CAMK2D: variants seen among roughly 807,000 people sequenced by gnomAD.
The protein encoded by CAMK2D is calcium/calmodulin dependent protein kinase II delta.
CAMK2D carries 37 observed loss-of-function variants against 84.0 expected under a neutral mutation model. The ratio of observed to expected loss-of-function variants is 0.44; its 90% CI spans 0.34 to 0.58. The LOEUF is 0.58. Ranked by LOEUF, CAMK2D falls within the 20% of genes least tolerant of loss-of-function variation. The pLI, the probability that CAMK2D is intolerant of heterozygous loss-of-function variation, is 0.02. For missense variants in CAMK2D, 448 were observed against 652.5 expected, an observed-to-expected ratio of 0.69 and a Z score of 3.41; for synonymous variants, 202 against 212.5, an observed-to-expected ratio of 0.95 and a Z score of 0.43.
At chr4:113,462,334 G>GTCTATCTATCTATCTATCTATCTA (rs1164998007) in intron 17 of CAMK2D, among the ~76,000 whole-genome samples, 36 of 129,834 alleles carry the variant, frequency 2.8e-4, no homozygotes, top group African/African-American at 4.6e-4. Context: ...CTGTCTGTCT[G>GTCTATCTATCTATCTATCTATCTA]TCTGTCTATC....
intron 3 of CAMK2D, among the ~76,000 whole-genome samples, chr4:113,650,710 A>C (rs2099169235): frequency 6.6e-6 from 1 of 152,216 alleles, no homozygotes. Context: ...AAGACAAAGC[A>C]TAGCATGTTT....
intron 3 of CAMK2D, among the ~76,000 whole-genome samples, chr4:113,657,196 C>T (rs1053442265): frequency 1.3e-5 from 2 of 152,134 alleles, no homozygotes; most frequent in Non-Finnish European, 2.9e-5. Context: ...AAATCTGTAT[C>T]GGCTTTAACT....
chr4:113,691,091 TAAC>T (rs1338290969), intron 2 of CAMK2D, among the ~76,000 whole-genome samples: 2 of 152,174 alleles, frequency 1.3e-5, no homozygotes, highest in African/African-American at 4.8e-5. Flanking sequence ...TCTGGATCTA[TAAC>T]AACCAGAATC....
At chr4:113,609,094 A>AT in intron 4 of CAMK2D, 58 bp downstream of exon 4, 1 of 896,824 alleles carries the variant, frequency 1.1e-6, no homozygotes, top group Non-Finnish European at 1.9e-6. Context: ...AAAAATCATT[A>AT]ATTCAAAACG....
chr4:113,720,299 A>C (rs765489571), intron 2 of CAMK2D, among the ~76,000 whole-genome samples: 15 of 151,878 alleles, frequency 9.9e-5, no homozygotes, highest in Non-Finnish European at 1.6e-4. Flanking sequence ...TTTTAAAAGT[A>C]CTCAAAGGTA....
At chr4:113,603,759 T>C (rs2098964353) in intron 4 of CAMK2D, among the ~76,000 whole-genome samples, 1 of 134,312 alleles carries the variant, frequency 7.4e-6, no homozygotes, top group Non-Finnish European at 1.5e-5. Flanking sequence ...TCTTTCTATA[T>C]ATTTCTTGCT....
At chr4:113,759,759 C>T (rs2099636490) in intron 1 of CAMK2D, among the ~76,000 whole-genome samples, 1 of 152,092 alleles carries the variant, frequency 6.6e-6, no homozygotes, top group Non-Finnish European at 1.5e-5. Context: ...AGACGAGGAG[C>T]AGCAAAAAAA....
At chr4:113,587,381 GA>G (rs1242427480) in intron 4 of CAMK2D, among the ~76,000 whole-genome samples, 1 of 152,172 alleles carries the variant, frequency 6.6e-6, no homozygotes, top group Non-Finnish European at 1.5e-5. Flanking sequence ...ACATGCGCCT[GA>G]GGCAAATTTC....
chr4:113,673,350 T>C (rs1339004268), intron 2 of CAMK2D, among the ~76,000 whole-genome samples: 1 of 152,208 alleles, frequency 6.6e-6, no homozygotes, highest in African/African-American at 2.4e-5. Context: ...AGGCTATGCT[T>C]CCAACAATTG....
chr4:113,518,130 A>C (rs1461106429), intron 8 of CAMK2D, among the ~76,000 whole-genome samples: 1 of 152,178 alleles, frequency 6.6e-6, no homozygotes, highest in Non-Finnish European at 1.5e-5. Flanking sequence ...CGTTCTAAAT[A>C]ACCATAGTCC....
At chr4:113,599,010 G>A (rs968034806) in intron 4 of CAMK2D, among the ~76,000 whole-genome samples, 1 of 152,070 alleles carries the variant, frequency 6.6e-6, no homozygotes, top group Non-Finnish European at 1.5e-5. Flanking sequence ...AAAACCTGAA[G>A]AGATACCTCA....
At chr4:113,585,294 C>T (rs17447193) in intron 4 of CAMK2D, among the ~76,000 whole-genome samples, 15,399 of 152,102 alleles carry the variant, frequency 0.1, 1,035 homozygotes, top group Admixed American at 0.19. Context: ...ATATAATCAA[C>T]GTGAGGAATT....
intron 3 of CAMK2D, among the ~76,000 whole-genome samples, chr4:113,627,346 T>C (rs905722852): frequency 1.3e-5 from 2 of 152,202 alleles, no homozygotes; most frequent in African/African-American, 4.8e-5. Flanking sequence ...GCAGTAGTTA[T>C]GTTCTATAAA....
chr4:113,703,923 C>CTTTTT (rs11460715), intron 2 of CAMK2D, among the ~76,000 whole-genome samples: 1 of 129,380 alleles, frequency 7.7e-6, no homozygotes, highest in African/African-American at 2.9e-5. Context: ...TTCTTATGAC[C>CTTTTT]TTTTTTTTTT....
chr4:113,734,713 A>T (rs559329440), intron 2 of CAMK2D, among the ~76,000 whole-genome samples: 2 of 152,262 alleles, frequency 1.3e-5, no homozygotes, highest in African/African-American at 4.8e-5. Context: ...GATACAACAA[A>T]TTTGAAAGGC....
At chr4:113,649,234 C>T (rs990605016) in intron 3 of CAMK2D, among the ~76,000 whole-genome samples, 2 of 152,270 alleles carry the variant, frequency 1.3e-5, no homozygotes, top group South Asian at 2.1e-4. Flanking sequence ...TTTTTCCTGA[C>T]ACCACATAAT....
In CAMK2D at chr4:113,608,720, G is replaced by C. The variant is rs181056459; in HGVS notation, c.275+432C>G. On this transcript the variant is annotated intron_variant, in intron 4 of 20. Coordinates refer to ENST00000511664, the MANE Select transcript of CAMK2D (RefSeq NM_001321571.2). ...TTTTCCCTTCATTCTTGCTGACAGC[G>C]CCTCACTTTAAAAGTCTTGATTAGT... Among the ~76,000 whole-genome samples the C allele has an allele frequency of 2.6e-3, 390 of 152,146 alleles. 1 individual carries two copies. Among genetic ancestry groups the C allele is most frequent in the Non-Finnish European group, 4.5e-3 (309 of 67,996 alleles).
chr4:113,494,393 C>G (rs1031072756), intron 16 of CAMK2D, among the ~76,000 whole-genome samples: 2 of 151,916 alleles, frequency 1.3e-5, no homozygotes, highest in Admixed American at 1.3e-4. Flanking sequence ...GTTGGAGTAC[C>G]CTGCCGTGTG....
At chr4:113,578,766 A>T (rs990410167) in intron 4 of CAMK2D, among the ~76,000 whole-genome samples, 1 of 152,186 alleles carries the variant, frequency 6.6e-6, no homozygotes, top group East Asian at 1.9e-4. Context: ...TTTAAAAGTC[A>T]TCGTAAGATT....
Sources: allele counts gnomAD v4.1 joint callset (sites outside exome capture counted in the v4.1 genomes callset), GRCh38; gene constraint gnomAD v4.1.1; transcripts MANE v1.5; gene names NCBI Gene and HGNC (gene_info 2026-07-23, HGNC 2026-07-21).